The following MT1E variants were observed in gnomAD, a reference collection of about 807,000 sequenced individuals.
MT1E encodes metallothionein-1E.
Under a neutral mutation model 2.4 loss-of-function variants are expected in MT1E, and 1 was observed. That is an observed-to-expected ratio of 0.41 (90% confidence interval 0.15 to 1.97). The LOEUF is 1.97. MT1E is among the 30% of genes most tolerant of loss of function. MT1E has a pLI of 0.30. For missense variants in MT1E, 145 were observed against 149.6 expected, an observed-to-expected ratio of 0.97 and a Z score of 0.16; for synonymous variants, 78 against 63.0, an observed-to-expected ratio of 1.24 and a Z score of -1.13.
intron 1 of MT1E, 93 bp from the exon 2 acceptor site, chr16:56,626,373 T>C (rs1441106153): frequency 5.7e-6 from 9 of 1,583,388 alleles, no homozygotes; most frequent in Non-Finnish European, 7.8e-6. Context: ...GGGCTGGCCC[T>C]GCACAGAGGA....
Position 56,626,485 on chromosome 16 carries a change from C to A in MT1E, c.48C>A (p.Ala16=). 1 of 1,614,214 alleles carries A rather than the reference C, an allele frequency of 6.2e-7. No homozygotes were observed. The highest frequency in any genetic ancestry group is 8.5e-7 in the Non-Finnish European group (1 of 1,180,040). ...TTGTAGGTGGCTCCTGCACGTGCGC[C>A]GGCTCCTGCAAGTGCAAAGAGTGCA... is the stretch of plus-strand genomic sequence containing the variant. ...SCATGGSCTC[A]GSCKCKECKC... Residue 16 remains alanine, a synonymous_variant, in exon 2 of 2, where the codon GCC becomes GCA. Coordinates refer to ENST00000330439, the MANE Select transcript of MT1E (RefSeq NM_001363555.2).
At position 56,626,766 on chromosome 16, in the gene MT1E, C is replaced by T. The variant is rs763679510; in HGVS notation, c.329C>T (p.Thr110Met). The change falls in exon 2 of 2, where the codon ACG (threonine) becomes ATG (methionine). Residue 110 changes from threonine to methionine, a missense_variant. By Grantham distance (81) the Thr-to-Met change is moderately conservative (BLOSUM62 -1). Coordinates refer to ENST00000330439, the MANE Select transcript of MT1E (RefSeq NM_001363555.2). ...PYGFRTELCQ[T>M]KKSILWVWVL... ...GGTTTCAGAACAGAGCTGTGCCAGA[C>T]GAAAAAAAGCATCCTCTGGGTCTGG... 9.8e-5 allele frequency: 158 copies of T among 1,612,266 alleles called. No homozygotes were observed. Among genetic ancestry groups the T allele is most frequent in the Admixed American group, 5.9e-4 (35 of 59,712 alleles).
rs140772238 is a variant in MT1E, at chr16:56,626,856, T to A, written c.*35T>A. On this transcript the variant is annotated 3_prime_UTR_variant, in exon 2 of 2. Transcript: ENST00000330439. ...GTGCCCGGTCAAGTCTACTGCCACC[T>A]CTCACTCTCCCCTTCTTCCCCAGGC... is the stretch of plus-strand genomic sequence containing the variant. 1.7e-4 allele frequency: 274 copies of A among 1,614,172 alleles called. No individual in the cohort carries two copies. The African/African-American group carries it at 3.1e-3, about 18-fold the overall frequency.
At position 56,625,897 on chromosome 16, in the gene MT1E, C is replaced by T; in HGVS notation, c.28+18C>T. The T allele has an allele frequency of 1.2e-6, 2 of 1,613,892 alleles. No homozygotes were observed. Among genetic ancestry groups the T allele is most frequent in the Non-Finnish European group, 1.7e-6 (2 of 1,180,008 alleles). On this transcript the variant is annotated intron_variant, in intron 1 of 1. Coordinates refer to ENST00000330439, the MANE Select transcript of MT1E (RefSeq NM_001363555.2). ...CGCCACTGGTAAGGGAAGCTCTGCG[C>T]CCTGGAATCCCCATTTCCCAGCCCT...
Position 56,627,040 on chromosome 16 carries a change from A to T in MT1E, c.*219A>T. The T allele has an allele frequency of 6.4e-7, 1 of 1,569,586 alleles. No homozygotes were observed. Among genetic ancestry groups the T allele is most frequent in the East Asian group, 2.2e-5 (1 of 44,554 alleles). On this transcript the variant is annotated 3_prime_UTR_variant, in exon 2 of 2. Transcript: ENST00000330439. ...ACAACCTGGATTTTTTTAAAAATAC[A>T]ACACTGAGCCATTTGCTGCATTTCT...
rs1349158768 is a variant in MT1E, at chr16:56,626,692, C to T, written c.255C>T (p.Gly85=). ...CTTTCTGCCCTAAATTCAGATGGGGCAGGACAGCATTTTTCTCGTGGGACA... is the reference window on the plus strand; with the variant it reads ...CTTTCTGCCCTAAATTCAGATGGGGTAGGACAGCATTTTTCTCGTGGGACA... The part of the protein sequence containing the change: ...LQAFCPKFRW[G]RTAFFSWDTN... Residue 85 remains glycine, a synonymous_variant, in exon 2 of 2, where the codon GGC becomes GGT. Coordinates refer to ENST00000330439, the MANE Select transcript of MT1E (RefSeq NM_001363555.2). 1 of 1,589,366 alleles carries T rather than the reference C, an allele frequency of 6.3e-7. No homozygotes were observed.
rs1289155237 is a variant in MT1E at position 56,626,902 on chromosome 16, G to A, written c.*81G>A. 6.2e-7 allele frequency: 1 copy of A among 1,614,174 alleles called. No homozygotes were observed. Among genetic ancestry groups the A allele is most frequent in the East Asian group, 2.2e-5 (1 of 44,888 alleles). On this transcript the variant is annotated 3_prime_UTR_variant, in exon 2 of 2. Transcript: ENST00000330439. ...CAGGCTGCTGTTCCTGCTGCCCCGT[G>A]GGCTGTGCCAAGTGTGCCCAGGGCT...
chr16:56,625,945 C>G, intron 1 of MT1E, 66 bp downstream of exon 1: 1 of 1,592,434 alleles, frequency 6.3e-7, no homozygotes, highest in Non-Finnish European at 8.6e-7. Context: ...CTCTGGGTTT[C>G]AGGAAGTCGC....
chr16:56,627,001 A>G lies in MT1E; in HGVS notation c.*180A>G, dbSNP rs749621536. On this transcript the variant is annotated 3_prime_UTR_variant, in exon 2 of 2. Coordinates refer to ENST00000330439, the MANE Select transcript of MT1E (RefSeq NM_001363555.2). Reference sequence around the variant, plus strand: ...GGAACAGCTCTTCTCCCAGATGTAAATAGAACAACCTGCACAACCTGGATT... The same window carrying G: ...GGAACAGCTCTTCTCCCAGATGTAAGTAGAACAACCTGCACAACCTGGATT... 6.2e-6 allele frequency: 10 copies of G among 1,613,156 alleles called. No individual in the cohort carries two copies. The East Asian group carries it at 1.3e-4, about 22-fold the overall frequency.
chr16:56,626,899 CGT>C lies in MT1E; in HGVS notation c.*80_*81del. On this transcript the variant is annotated 3_prime_UTR_variant, in exon 2 of 2. Transcript: ENST00000330439. ...CCCCAGGCTGCTGTTCCTGCTGCCC[CGT>C]GGGCTGTGCCAAGTGTGCCCAGGGC... is the stretch of plus-strand genomic sequence containing the variant. The C allele has an allele frequency of 6.2e-7, 1 of 1,614,182 alleles. No homozygotes were observed.
Position 56,626,622 on chromosome 16 carries a change from C to G in MT1E, c.185C>G (p.Thr62Ser). Residue 62 changes from threonine (T) to serine (S), a missense_variant, in exon 2 of 2, where the codon ACT (threonine) becomes AGT (serine). By Grantham distance (58) the Thr-to-Ser change is moderately conservative. Transcript: ENST00000330439. The part of the protein sequence containing the change: ...RLALSASFWG[T>S]GLSLPSLPVS... ...GCCCTGAGTGCATCCTTCTGGGGAA[C>G]TGGGCTTTCTTTGCCCTCATTGCCC... 3 of 1,613,560 alleles carry G rather than the reference C, an allele frequency of 1.9e-6. No homozygotes were observed. Among genetic ancestry groups the G allele is most frequent in the Non-Finnish European group, 1.7e-6 (2 of 1,179,728 alleles).
chr16:56,626,819 T>G lies in MT1E; in HGVS notation c.382T>G (p.Ter128GluextTer50). 2 of 1,614,164 alleles carry G rather than the reference T, an allele frequency of 1.2e-6. No homozygotes were observed. The highest frequency in any genetic ancestry group is 1.7e-6 in the Non-Finnish European group (2 of 1,180,006). ...TCTGAGCTCGAGCCAGGCTTGCTATTAGGGCAGGGAGGTGCCCGGTCAAGT... is the reference window on the plus strand; with the variant it reads ...TCTGAGCTCGAGCCAGGCTTGCTATGAGGGCAGGGAGGTGCCCGGTCAAGT... ...WVLSSSQACY[*>E] is the part of the protein sequence containing the mutation. The change falls in exon 2 of 2, where the codon TAG becomes GAG. Residue 128 changes from the stop codon to glutamate (E), a stop_lost. Transcript: ENST00000330439.
Position 56,626,930 on chromosome 16 carries a change from G to A in MT1E, c.*109G>A, listed in dbSNP as rs201582313. 9.7e-5 allele frequency: 156 copies of A among 1,614,200 alleles called. 2 individuals are homozygous for A. The East Asian group carries it at 2.8e-3, about 29-fold the overall frequency. Reference sequence around the variant, plus strand: ...CTGTGCCAAGTGTGCCCAGGGCTGCGTCTGCAAAGGGGCATCGGAGAAGTG... The same window carrying A: ...CTGTGCCAAGTGTGCCCAGGGCTGCATCTGCAAAGGGGCATCGGAGAAGTG... On this transcript the variant is annotated 3_prime_UTR_variant, in exon 2 of 2. Coordinates refer to ENST00000330439, the MANE Select transcript of MT1E (RefSeq NM_001363555.2).
Position 56,625,821 on chromosome 16 carries a change from G to C in MT1E, c.-31G>C. 1 of 1,612,738 alleles carries C rather than the reference G, an allele frequency of 6.2e-7. No individual in the cohort carries two copies. Among genetic ancestry groups the C allele is most frequent in the Non-Finnish European group, 8.5e-7 (1 of 1,179,820 alleles). On this transcript the variant is annotated 5_prime_UTR_variant, in exon 1 of 2. Coordinates refer to ENST00000330439, the MANE Select transcript of MT1E (RefSeq NM_001363555.2). ...TGCCTGACTGCTTGTTCGTCTCACT[G>C]GTGTGAGCTCCAGCATCCCCTTTGC...
chr16:56,625,985 G>A, intron 1 of MT1E, 106 bp downstream of exon 1: 1 of 1,322,936 alleles, frequency 7.6e-7, no homozygotes, highest in South Asian at 1.2e-5. Context: ...GGGGACTCCA[G>A]TACTTCGTTA....
At position 56,626,544 on chromosome 16, in the gene MT1E, C is replaced by T; in HGVS notation, c.107C>T (p.Ala36Val). 1 of 1,614,246 alleles carries T rather than the reference C, an allele frequency of 6.2e-7. No individual in the cohort carries two copies. Among genetic ancestry groups the T allele is most frequent in the Non-Finnish European group, 8.5e-7 (1 of 1,180,042 alleles). Residue 36 changes from alanine to valine, a missense_variant, in exon 2 of 2, where the codon GCC becomes GTC. Physicochemically the swap from Ala to Val is moderately conservative, Grantham distance 64 (BLOSUM62 0). Coordinates refer to ENST00000330439, the MANE Select transcript of MT1E (RefSeq NM_001363555.2). Reference sequence around the variant, plus strand: ...TCCTGCAAGAAGAGTGAGTGCGGGGCCATCTCCAGGAATCTGGGGCTGTGG... The same window carrying T: ...TCCTGCAAGAAGAGTGAGTGCGGGGTCATCTCCAGGAATCTGGGGCTGTGG... Reference protein sequence around the residue: ...CTSCKKSECGAISRNLGLWLR... With the variant: ...CTSCKKSECGVISRNLGLWLR...
In MT1E at chr16:56,625,858, C is replaced by T; in HGVS notation, c.7C>T (p.Pro3Ser). 6.2e-7 allele frequency: 1 copy of T among 1,613,592 alleles called. No individual in the cohort carries two copies. The highest frequency in any genetic ancestry group is 1.1e-5 in the South Asian group (1 of 91,050). The change falls in exon 1 of 2, where the codon CCC becomes TCC. Residue 3 changes from proline to serine, a missense_variant. Physicochemically the swap from Pro to Ser is moderately conservative, Grantham distance 74. Transcript: ENST00000330439. Reference protein sequence around the residue: MDPNCSCATGGSC... With the variant: MDSNCSCATGGSC... Reference sequence around the variant, plus strand: ...AGCATCCCCTTTGCTCGAAATGGACCCCAACTGCTCTTGCGCCACTGGTAA... The same window carrying T: ...AGCATCCCCTTTGCTCGAAATGGACTCCAACTGCTCTTGCGCCACTGGTAA...
At position 56,625,810 on chromosome 16, in the gene MT1E, T is replaced by C; in HGVS notation, c.-42T>C. 1 of 1,611,884 alleles carries C rather than the reference T, an allele frequency of 6.2e-7. No individual in the cohort carries two copies. The highest frequency in any genetic ancestry group is 8.5e-7 in the Non-Finnish European group (1 of 1,179,292). The stretch of plus-strand genomic sequence containing the variant: ...TGCTTTCCAACTGCCTGACTGCTTG[T>C]TCGTCTCACTGGTGTGAGCTCCAGC... On this transcript the variant is annotated 5_prime_UTR_variant, in exon 1 of 2. Coordinates refer to ENST00000330439, the MANE Select transcript of MT1E (RefSeq NM_001363555.2).
rs1960199971 is a variant in MT1E at position 56,625,825 on chromosome 16, T to C, written c.-27T>C. The C allele has an allele frequency of 6.2e-7, 1 of 1,612,832 alleles. No homozygotes were observed. Among genetic ancestry groups the C allele is most frequent in the East Asian group, 2.2e-5 (1 of 44,866 alleles). ...TGACTGCTTGTTCGTCTCACTGGTGTGAGCTCCAGCATCCCCTTTGCTCGA... is the reference window on the plus strand; with the variant it reads ...TGACTGCTTGTTCGTCTCACTGGTGCGAGCTCCAGCATCCCCTTTGCTCGA... On this transcript the variant is annotated 5_prime_UTR_variant, in exon 1 of 2. Transcript: ENST00000330439.
Sources: allele counts gnomAD v4.1 joint callset, GRCh38; gene constraint gnomAD v4.1.1; transcripts MANE v1.5; gene names NCBI Gene and HGNC (gene_info 2026-07-23, HGNC 2026-07-21).